The following FBXO10 variants were observed in gnomAD, a reference collection of about 807,000 sequenced individuals.
FBXO10 encodes the protein F-box only protein 10.
FBXO10 carries 39 observed loss-of-function variants against 80.7 expected under a neutral mutation model. That is an observed-to-expected ratio of 0.48 (90% CI 0.37 to 0.63). The LOEUF (loss-of-function observed/expected upper bound fraction) is 0.63. FBXO10 is among the 30% of genes least tolerant of loss of function. The probability of loss-of-function intolerance (pLI) is 0.00; values close to 1 mark genes in which losing one functional copy is unlikely to be tolerated. For missense variants in FBXO10, 1,025 were observed against 1,269.0 expected (o/e 0.81, Z 2.92); for synonymous variants, 449 against 489.6 (o/e 0.92, Z 1.09).
chr9:37,529,295 T>TCAGA (rs754486895), intron 4 of FBXO10, 35 bp from the exon 5 acceptor site: 1 of 1,578,568 alleles, frequency 6.3e-7, no homozygotes. Context: ...AGAAGCCAGA[T>TCAGA]CAGACACGTC....
At chr9:37,518,491 C>A in intron 8 of FBXO10, 53 bp from the exon 9 acceptor site, 1 of 1,457,926 alleles carries the variant, frequency 6.9e-7, no homozygotes, top group Non-Finnish European at 9.2e-7. Flanking sequence ...AGCCCTGACA[C>A]CACCAGTCAG....
chr9:37,569,710 T>C (rs1290905261), intron 1 of FBXO10, among the ~76,000 whole-genome samples: 2 of 152,224 alleles, frequency 1.3e-5, no homozygotes, highest in African/African-American at 2.4e-5. Flanking sequence ...CTCACACCTG[T>C]AGTCCTTCCA....
intron 1 of FBXO10, among the ~76,000 whole-genome samples, chr9:37,557,723 T>C (rs7039920): frequency 0.55 from 83,673 of 152,036 alleles, 23,847 homozygotes; most frequent in African/African-American, 0.71. Context: ...TGTCCCCACA[T>C]GGTTTACATT....
chr9:37,513,989 C>G (rs1453950428), intron 10 of FBXO10, among the ~76,000 whole-genome samples: 1 of 152,058 alleles, frequency 6.6e-6, no homozygotes, highest in Non-Finnish European at 1.5e-5. Context: ...GCATGGAGGG[C>G]CAGGGAAAAT....
At chr9:37,534,546 G>T (rs1821708673) in intron 3 of FBXO10, among the ~76,000 whole-genome samples, 1 of 152,260 alleles carries the variant, frequency 6.6e-6, no homozygotes. Flanking sequence ...ATACAAGCCA[G>T]TAAGAACTCA....
chr9:37,544,209 C>T (rs1027682637), intron 1 of FBXO10, among the ~76,000 whole-genome samples: 2 of 152,176 alleles, frequency 1.3e-5, no homozygotes, highest in African/African-American at 4.8e-5. Context: ...GTGGAGGTTG[C>T]AGTGAGCCGA....
Position 37,521,629 on chromosome 9 carries a change from G to C in FBXO10, c.2140C>G (p.Pro714Ala). Residue 714 changes from proline to alanine, a missense_variant, in exon 8 of 11, where the codon CCA (proline) becomes GCA (alanine). Coordinates refer to ENST00000432825, the MANE Select transcript of FBXO10 (RefSeq NM_012166.3). ...GCTATGGTGATGGGCCGGCGCAGTG[G>C]GTCGTCCTCCTTCTCCAGCTCTGTC... ...WETELEKEDD[P>A]LRRPITIALV... The C allele has an allele frequency of 6.2e-7, 1 of 1,613,924 alleles. No individual in the cohort carries two copies. Among genetic ancestry groups the C allele is most frequent in the East Asian group, 2.2e-5 (1 of 44,876 alleles).
intron 1 of FBXO10, among the ~76,000 whole-genome samples, chr9:37,546,826 G>A (rs879282352): frequency 9.2e-5 from 14 of 151,982 alleles, no homozygotes; most frequent in Admixed American, 8.5e-4. Context: ...GACTGCAGGC[G>A]TGCGCCACCA....
At chr9:37,559,226 A>G (rs1015496821) in intron 1 of FBXO10, among the ~76,000 whole-genome samples, 2 of 152,210 alleles carry the variant, frequency 1.3e-5, no homozygotes, top group Non-Finnish European at 2.9e-5. Flanking sequence ...GCTTCATCTC[A>G]GACCTCCAGA....
At chr9:37,514,801 T>C (rs1821142949) in intron 10 of FBXO10, among the ~76,000 whole-genome samples, 1 of 152,152 alleles carries the variant, frequency 6.6e-6, no homozygotes, top group Non-Finnish European at 1.5e-5. Flanking sequence ...ACCACTGCAC[T>C]GCAGCCTGGG....
At chr9:37,568,567 C>T (rs1397317238) in intron 1 of FBXO10, among the ~76,000 whole-genome samples, 2 of 152,198 alleles carry the variant, frequency 1.3e-5, no homozygotes, top group Non-Finnish European at 2.9e-5. Flanking sequence ...ATTATTTACT[C>T]TCTTCCTTTT....
chr9:37,542,430 T>C (rs554198099), intron 1 of FBXO10, among the ~76,000 whole-genome samples: 11 of 151,992 alleles, frequency 7.2e-5, no homozygotes, highest in African/African-American at 2.7e-4. Context: ...ACCCTGTCTC[T>C]ATGAAAAATA....
chr9:37,568,703 G>GGTCGGAGTTCACGTGGTCTAAT (rs1822671691), intron 1 of FBXO10, among the ~76,000 whole-genome samples: 1 of 151,886 alleles, frequency 6.6e-6, no homozygotes, highest in African/African-American at 2.4e-5. Context: ...CGTGGTCTAA[G>GGTCGGAGTTCACGTGGTCTAAT]GTCGGAGTTC....
intron 3 of FBXO10, among the ~76,000 whole-genome samples, chr9:37,533,513 T>G (rs1474468008): frequency 6.6e-6 from 1 of 151,898 alleles, no homozygotes; most frequent in East Asian, 1.9e-4. Flanking sequence ...GCCACTGTAT[T>G]CCAGCCTGGG....
intron 1 of FBXO10, among the ~76,000 whole-genome samples, chr9:37,573,921 AC>A (rs1321441638): frequency 2.0e-4 from 31 of 152,350 alleles, no homozygotes; most frequent in African/African-American, 6.5e-4. Context: ...GACATTTCAA[AC>A]AAAACCCATG....
At chr9:37,517,666 C>G (rs970953309) in intron 9 of FBXO10, among the ~76,000 whole-genome samples, 10 of 149,950 alleles carry the variant, frequency 6.7e-5, no homozygotes, top group African/African-American at 2.3e-4. Flanking sequence ...AGCTAAGCTG[C>G]AGGACTGCAG....
At chr9:37,533,509 G>A (rs1014854584) in intron 3 of FBXO10, among the ~76,000 whole-genome samples, 1 of 152,190 alleles carries the variant, frequency 6.6e-6, no homozygotes, top group Middle Eastern at 3.4e-3. Context: ...TTGTGCCACT[G>A]TATTCCAGCC....
chr9:37,521,342 C>A (rs548222625), intron 8 of FBXO10, among the ~76,000 whole-genome samples: 28 of 150,132 alleles, frequency 1.9e-4, no homozygotes, highest in African/African-American at 6.8e-4. Context: ...CCCTGGCCCC[C>A]ACACTGTCTG....
At chr9:37,539,133 G>A (rs1821854457) in intron 2 of FBXO10, among the ~76,000 whole-genome samples, 1 of 152,176 alleles carries the variant, frequency 6.6e-6, no homozygotes, top group Non-Finnish European at 1.5e-5. Flanking sequence ...TAATCCAGAC[G>A]TACCTACCCC....
Sources: gnomAD v4.1 joint callset for allele counts (sites outside exome capture counted in the v4.1 genomes callset) on GRCh38, gnomAD v4.1.1 for gene constraint, MANE v1.5 for transcripts, NCBI Gene and HGNC (gene_info 2026-07-23, HGNC 2026-07-21) for gene names.